The following SDR9C7 variants were observed in gnomAD, a reference collection of about 807,000 sequenced individuals.
SDR9C7 encodes short-chain dehydrogenase/reductase family 9C member 7.
A neutral mutation model predicts 23.6 loss-of-function variants in SDR9C7; 11 were observed. The ratio of observed to expected loss-of-function variants is 0.47; its 90% CI spans 0.29 to 0.77. The LOEUF (loss-of-function observed/expected upper bound fraction) is 0.77. Among genes scored for constraint, SDR9C7 ranks in the 30% least tolerant of loss-of-function variants. The probability of loss-of-function intolerance (pLI) is 0.09; values close to 1 mark genes in which losing one functional copy is unlikely to be tolerated. For missense variants in SDR9C7, 387 were observed against 407.1 expected, an observed-to-expected ratio of 0.95 and a Z score of 0.42; for synonymous variants, 167 against 157.3, an observed-to-expected ratio of 1.06 and a Z score of -0.46.
chr12:56,930,688 T>C (rs571946426), intron 1 of SDR9C7, among the ~76,000 whole-genome samples: 34 of 152,378 alleles, frequency 2.2e-4, no homozygotes, highest in African/African-American at 7.5e-4. Flanking sequence ...ACATAAAGTC[T>C]GCCGGCTAGC....
chr12:56,926,400 G>T (rs566193578), intron 3 of SDR9C7, among the ~76,000 whole-genome samples: 2 of 152,242 alleles, frequency 1.3e-5, no homozygotes, highest in Non-Finnish European at 1.5e-5. Context: ...ACACAAATCT[G>T]ATCCTTCATT....
At chr12:56,931,653 G>C (rs1245454897) in intron 1 of SDR9C7, among the ~76,000 whole-genome samples, 1 of 152,042 alleles carries the variant, frequency 6.6e-6, no homozygotes, top group Admixed American at 6.5e-5. Context: ...GCCTTCTAGG[G>C]GGAGGAAAAT....
chr12:56,928,412 C>G (rs1357402726), intron 3 of SDR9C7, among the ~76,000 whole-genome samples: 1 of 152,202 alleles, frequency 6.6e-6, no homozygotes, highest in Admixed American at 6.5e-5. Context: ...ACTTCCTGCT[C>G]CATTCTTCTT....
At chr12:56,931,277 A>G (rs1193329217) in intron 1 of SDR9C7, among the ~76,000 whole-genome samples, 1 of 152,016 alleles carries the variant, frequency 6.6e-6, no homozygotes, top group Non-Finnish European at 1.5e-5. Flanking sequence ...AACGATATAA[A>G]ATAAAATAAA....
rs750869501 is a variant in SDR9C7, at chr12:56,933,968, G to A, written c.294C>T (p.Gly98=). 36 of 1,604,322 alleles carry A rather than the reference G, an allele frequency of 2.2e-5. No individual in the cohort carries two copies. The highest frequency in any genetic ancestry group is 1.7e-4 in the Middle Eastern group (1 of 6,054). Residue 98 remains glycine, a synonymous_variant, in exon 1 of 4, where the codon GGC becomes GGT. Transcript: ENST00000293502. ...AAAQWVRDKV[G]EQGLWALVNN... ...GAATGTAATTCGCCCCACCTTGTTC[G>A]CCCACTTTGTCCCTCACCCACTGGG... is the stretch of plus-strand genomic sequence containing the variant.
chr12:56,932,405 G>A (rs576495731), intron 1 of SDR9C7, among the ~76,000 whole-genome samples: 124 of 152,348 alleles, frequency 8.1e-4, no homozygotes, highest in African/African-American at 2.9e-3. Context: ...AAAAGTCGAT[G>A]AGACGGATTC....
chr12:56,930,786 T>C (rs1442758710), intron 1 of SDR9C7, among the ~76,000 whole-genome samples: 1 of 152,246 alleles, frequency 6.6e-6, no homozygotes, highest in Non-Finnish European at 1.5e-5. Flanking sequence ...TTCATACCAA[T>C]GAATTAATGT....
chr12:56,933,973 C>G lies in SDR9C7; in HGVS notation c.289G>C (p.Val97Leu). Reference sequence around the variant, plus strand: ...TAATTCGCCCCACCTTGTTCGCCCACTTTGTCCCTCACCCACTGGGCCGCC... The same window carrying G: ...TAATTCGCCCCACCTTGTTCGCCCAGTTTGTCCCTCACCCACTGGGCCGCC... Reference protein sequence around the residue: ...KAAAQWVRDKVGEQGLWALVN... With the variant: ...KAAAQWVRDKLGEQGLWALVN... The change falls in exon 1 of 4, where the codon GTG (valine) becomes CTG (leucine). Residue 97 changes from valine to leucine, a missense_variant. Transcript: ENST00000293502. The G allele has an allele frequency of 6.2e-7, 1 of 1,607,814 alleles. No homozygotes were observed. Among genetic ancestry groups the G allele is most frequent in the Non-Finnish European group, 8.5e-7 (1 of 1,174,754 alleles).
At chr12:56,930,129 T>A in intron 2 of SDR9C7, 97 bp downstream of exon 2, 1 of 1,408,116 alleles carries the variant, frequency 7.1e-7, no homozygotes, top group South Asian at 1.3e-5. Context: ...GTTAGCTTCC[T>A]GTCTGCGGAA....
rs948622642 is a variant in SDR9C7 at position 56,931,162 on chromosome 12, G to A, written c.302-678C>T. On this transcript the variant is annotated intron_variant, in intron 1 of 3. Coordinates refer to ENST00000293502, the MANE Select transcript of SDR9C7 (RefSeq NM_148897.3). ...AGGTGGGAGAATCACTTGAGCCCGG[G>A]TTACAGGTTACCTTGTTCGAGGTTA... is the stretch of plus-strand genomic sequence containing the variant. 2.6e-5 allele frequency among the ~76,000 whole-genome samples: 4 copies of A among 152,206 alleles called. No homozygotes were observed. In the East Asian group the frequency reaches 7.7e-4, roughly 29 times the overall value.
Position 56,934,120 on chromosome 12 carries a change from G to A in SDR9C7, c.142C>T (p.Arg48Trp), listed in dbSNP as rs760003577. 1.4e-5 allele frequency: 23 copies of A among 1,614,208 alleles called. No homozygotes were observed. The highest frequency in any genetic ancestry group is 6.7e-5 in the East Asian group (3 of 44,874). The change falls in exon 1 of 4, where the codon CGG becomes TGG. Residue 48 changes from arginine to tryptophan, a missense_variant. Arg to Trp is a moderately radical substitution (Grantham distance 101). Coordinates refer to ENST00000293502, the MANE Select transcript of SDR9C7 (RefSeq NM_148897.3). ...CAAGCAGCCAGCACCTGCATGCCCC[G>A]ATCAACCAGCTGTTTGGCCAGCAGG... ...GNLLAKQLVD[R>W]GMQVLAACFT...
chr12:56,931,661 A>G (rs2136369785), intron 1 of SDR9C7, among the ~76,000 whole-genome samples: 1 of 152,182 alleles, frequency 6.6e-6, no homozygotes, highest in African/African-American at 2.4e-5. Context: ...GGGGGAGGAA[A>G]ATGCAGGAGA....
At chr12:56,924,203 C>G (rs970544093) in intron 3 of SDR9C7, among the ~76,000 whole-genome samples, 153 bp from the exon 4 acceptor site, 3 of 152,156 alleles carry the variant, frequency 2.0e-5, no homozygotes, top group Admixed American at 6.6e-5. Flanking sequence ...TATACAAACA[C>G]ACATTTATAA....
At chr12:56,929,620 G>T in intron 2 of SDR9C7, 67 bp from the exon 3 acceptor site, 2 of 1,554,744 alleles carry the variant, frequency 1.3e-6, no homozygotes, top group South Asian at 1.1e-5. Context: ...GTCACCTCTG[G>T]ATGGGCTGGT....
chr12:56,925,635 C>T (rs1444648993), intron 3 of SDR9C7, among the ~76,000 whole-genome samples: 4 of 152,096 alleles, frequency 2.6e-5, no homozygotes, highest in African/African-American at 4.8e-5. Context: ...ATTTTGGGAT[C>T]TCAACAAGAG....
chr12:56,934,043 C>T lies in SDR9C7; in HGVS notation c.219G>A (p.Leu73=). ...QKLQRDTSYR[L]QTTLLDVTKS... Reference sequence around the variant, plus strand: ...TGGTGACATCCAGTAGGGTGGTCTGCAGCCGATAGGAGGTATCCCGCTGAA... The same window carrying T: ...TGGTGACATCCAGTAGGGTGGTCTGTAGCCGATAGGAGGTATCCCGCTGAA... Residue 73 remains leucine, a synonymous_variant, in exon 1 of 4, where the codon CTG becomes CTA. Transcript: ENST00000293502. 1 of 1,614,234 alleles carries T rather than the reference C, an allele frequency of 6.2e-7. No homozygotes were observed.
At chr12:56,926,947 A>G (rs1408325221) in intron 3 of SDR9C7, among the ~76,000 whole-genome samples, 1 of 152,198 alleles carries the variant, frequency 6.6e-6, no homozygotes, top group Non-Finnish European at 1.5e-5. Flanking sequence ...TTATAGCAAG[A>G]TTCTTCATGT....
At chr12:56,930,513 C>A (rs377225976) in intron 1 of SDR9C7, 29 bp from the exon 2 acceptor site, 44 of 1,608,094 alleles carry the variant, frequency 2.7e-5, no homozygotes, top group Non-Finnish European at 3.4e-5. Flanking sequence ...ACACAGAAAT[C>A]ATCAGTGGGC....
Position 56,930,306 on chromosome 12 carries a change from G to A in SDR9C7, c.480C>T (p.Ser160=), listed in dbSNP as rs1955760743. ...RARGRVVNMS[S]SGGRVAVIGG... is the part of the protein sequence containing the mutation. The stretch of plus-strand genomic sequence containing the variant: ...CAATGACAGCCACACGACCACCAGA[G>A]CTGGACATGTTGACAACCCTGCCCC... Residue 160 remains serine (S), a synonymous_variant, in exon 2 of 4, where the codon AGC becomes AGT. Coordinates refer to ENST00000293502, the MANE Select transcript of SDR9C7 (RefSeq NM_148897.3). The A allele has an allele frequency of 1.2e-6, 2 of 1,614,076 alleles. No homozygotes were observed. Among genetic ancestry groups the A allele is most frequent in the South Asian group, 1.1e-5 (1 of 91,078 alleles).
Sources: gnomAD v4.1 joint callset for allele counts (sites outside exome capture counted in the v4.1 genomes callset) on GRCh38, gnomAD v4.1.1 for gene constraint, MANE v1.5 for transcripts, NCBI Gene and HGNC (gene_info 2026-07-23, HGNC 2026-07-21) for gene names.